Variants in MROH2A observed in about 807,000 individuals in gnomAD.
MROH2A encodes maestro heat-like repeat-containing protein family member 2A.
In MROH2A, 174 loss-of-function variants were observed where a neutral mutation model predicts 200.4. The observed-to-expected ratio is 0.87, with a 90% confidence interval of 0.77 to 0.98. The LOEUF is 0.98. MROH2A is among the 50% of genes least tolerant of loss of function. The probability of loss-of-function intolerance (pLI) is 0.00; values close to 1 mark genes in which losing one functional copy is unlikely to be tolerated. For missense variants in MROH2A, 2,045 were observed against 2,139.6 expected (o/e 0.96, Z 0.87); for synonymous variants, 829 against 840.4 (o/e 0.99, Z 0.23).
Position 233,793,768 on chromosome 2 carries a change from G to A in MROH2A, c.766G>A (p.Val256Met), listed in dbSNP as rs1449003535. 2.7e-6 allele frequency: 4 copies of A among 1,494,596 alleles called. No individual in the cohort carries two copies. Among genetic ancestry groups the A allele is most frequent in the Non-Finnish European group, 3.6e-6 (4 of 1,119,546 alleles). 92.6% of individuals were successfully genotyped at this position (1,494,596 alleles called of 1,614,324 possible). The change falls in exon 7 of 42, where the codon GTG becomes ATG. Residue 256 changes from valine (V) to methionine (M), a missense_variant. Transcript: ENST00000389758. ...VMTEEEFALK[V>M]FPMYRYFVTV... ...GACTGAGGAGGAGTTTGCCCTGAAG[G>A]TGTTCCCCATGTATCGCTACTTCGT...
At chr2:233,794,017 G>A (rs1224376837) in intron 7 of MROH2A, among the ~76,000 whole-genome samples, 193 bp downstream of exon 7, 2 of 152,154 alleles carry the variant, frequency 1.3e-5, no homozygotes, top group Admixed American at 6.5e-5. Flanking sequence ...CCTCATCCAC[G>A]AGGCCAGGCT....
intron 22 of MROH2A, 70 bp from the exon 23 acceptor site, chr2:233,810,724 A>G (rs2126145600): frequency 6.6e-7 from 1 of 1,520,896 alleles, no homozygotes; most frequent in East Asian, 2.5e-5. Flanking sequence ...CAGGAGCAGA[A>G]GCTGCAGCTT....
chr2:233,800,182 A>G, intron 13 of MROH2A, 23 bp from the exon 14 acceptor site: 2 of 1,504,244 alleles, frequency 1.3e-6, no homozygotes, highest in Non-Finnish European at 1.8e-6. Context: ...CACAGGTGGG[A>G]ATCCCTTGGT....
chr2:233,831,599 T>C, intron 39 of MROH2A, 59 bp downstream of exon 39: 1 of 1,517,502 alleles, frequency 6.6e-7, no homozygotes, highest in Non-Finnish European at 8.8e-7. Context: ...GGCTTGGAGC[T>C]GGGGGGTCGA....
chr2:233,813,907 C>T (rs1703342660), intron 25 of MROH2A, 129 bp downstream of exon 25: 2 of 538,320 alleles, frequency 3.7e-6, no homozygotes, highest in Non-Finnish European at 6.7e-6. Flanking sequence ...GTAGCAAGCT[C>T]TATCAGTAAA....
intron 21 of MROH2A, 67 bp from the exon 22 acceptor site, chr2:233,809,059 G>C (rs2126142258): frequency 1.3e-6 from 2 of 1,497,326 alleles, no homozygotes; most frequent in East Asian, 2.5e-5. Flanking sequence ...TGTGGCCAGA[G>C]ACCATCACCT....
chr2:233,782,401 T>C (rs1700992704), intron 3 of MROH2A, among the ~76,000 whole-genome samples: 1 of 152,234 alleles, frequency 6.6e-6, no homozygotes, highest in Non-Finnish European at 1.5e-5. Context: ...TTCCCTTGCA[T>C]AGATCTTTCA....
At chr2:233,829,296 A>G (rs1704552270) in intron 37 of MROH2A, among the ~76,000 whole-genome samples, 1 of 152,048 alleles carries the variant, frequency 6.6e-6, no homozygotes, top group South Asian at 2.1e-4. Flanking sequence ...CAGCCCTGCT[A>G]GGAGGGAAGG....
At chr2:233,812,093 C>T (rs1355788808) in intron 24 of MROH2A, 134 bp downstream of exon 24, 2 of 637,162 alleles carry the variant, frequency 3.1e-6, no homozygotes, top group East Asian at 2.8e-5. Context: ...CTTGGAGGCT[C>T]CCCAGGGCAA....
Position 233,799,907 on chromosome 2 carries a change from G to T in MROH2A, c.1449+8G>T. The T allele has an allele frequency of 6.4e-7, 1 of 1,550,448 alleles. No homozygotes were observed. ...TTATCCACCTACAAACTGGTGAGTG[G>T]CCCTGATACGCAGACCGCAGAGCAG... On this transcript the variant is annotated splice_region_variant and intron_variant, in intron 13 of 41. Transcript: ENST00000389758.
chr2:233,793,874 C>A (rs17868350), intron 7 of MROH2A, 50 bp downstream of exon 7: 2 of 1,341,016 alleles, frequency 1.5e-6, no homozygotes, highest in African/African-American at 1.5e-5. Context: ...GGCCACAGCT[C>A]CCCAGCCTGT....
At chr2:233,802,776 C>T (rs1356340713) in intron 15 of MROH2A, among the ~76,000 whole-genome samples, 1 of 152,236 alleles carries the variant, frequency 6.6e-6, no homozygotes, top group Non-Finnish European at 1.5e-5. Context: ...CATGCTTGCT[C>T]CTGTCCCCTT....
chr2:233,792,783 C>G lies in MROH2A; in HGVS notation c.572-13C>G. The G allele has an allele frequency of 6.7e-7, 1 of 1,502,618 alleles. No individual in the cohort carries two copies. The highest frequency in any genetic ancestry group is 1.2e-5 in the South Asian group (1 of 83,064). 93.1% of individuals were successfully genotyped at this position (1,502,618 alleles called of 1,614,324 possible). On this transcript the variant is annotated splice_polypyrimidine_tract_variant and intron_variant, in intron 5 of 41. Transcript: ENST00000389758. ...GCCCCAACTTCCTGTAATCATCCCT[C>G]ACAACCTCACAGTGTTTGAGTTCAT...
chr2:233,796,786 A>G (rs946402339), intron 11 of MROH2A, among the ~76,000 whole-genome samples: 1 of 152,232 alleles, frequency 6.6e-6, no homozygotes, highest in Non-Finnish European at 1.5e-5. Context: ...TGTTGACAGC[A>G]TGCAGCCCTA....
At position 233,822,107 on chromosome 2, in the gene MROH2A, G is replaced by T; in HGVS notation, c.3513-17G>T. ...ATGCCAGGAAACTCACAGTCCTTGT[G>T]CCCTGACTTTGGTTAGCCACCTGGC... On this transcript the variant is annotated splice_polypyrimidine_tract_variant and intron_variant, in intron 31 of 41. Coordinates refer to ENST00000389758, the MANE Select transcript of MROH2A (RefSeq NM_001394639.1). 1 of 1,545,792 alleles carries T rather than the reference G, an allele frequency of 6.5e-7. No homozygotes were observed. The highest frequency in any genetic ancestry group is 8.7e-7 in the Non-Finnish European group (1 of 1,144,252).
At chr2:233,801,459 T>C (rs940915535) in intron 14 of MROH2A, among the ~76,000 whole-genome samples, 3 of 152,182 alleles carry the variant, frequency 2.0e-5, no homozygotes, top group East Asian at 1.9e-4. Context: ...ACAGAACCAG[T>C]AGAAGACATA....
Position 233,799,904 on chromosome 2 carries a change from G to T in MROH2A, c.1449+5G>T, listed in dbSNP as rs747062571. 6.4e-7 allele frequency: 1 copy of T among 1,550,484 alleles called. No homozygotes were observed. The highest frequency in any genetic ancestry group is 1.2e-5 in the South Asian group (1 of 84,048). Reference sequence around the variant, plus strand: ...ACCTTATCCACCTACAAACTGGTGAGTGGCCCTGATACGCAGACCGCAGAG... The same window carrying T: ...ACCTTATCCACCTACAAACTGGTGATTGGCCCTGATACGCAGACCGCAGAG... On this transcript the variant is annotated splice_donor_5th_base_variant and intron_variant, in intron 13 of 41. Coordinates refer to ENST00000389758, the MANE Select transcript of MROH2A (RefSeq NM_001394639.1).
chr2:233,813,835 C>A, intron 25 of MROH2A, 57 bp downstream of exon 25: 1 of 957,926 alleles, frequency 1.0e-6, no homozygotes. Flanking sequence ...TTAACATTAA[C>A]ATGGGCCATG....
In MROH2A at chr2:233,828,759, G is replaced by A. The variant is rs1273708693; in HGVS notation, c.4243G>A (p.Ala1415Thr). The A allele has an allele frequency of 2.6e-6, 4 of 1,550,078 alleles. No homozygotes were observed. In the African/African-American group the frequency reaches 5.5e-5, roughly 21 times the overall value. ...GTCCCTGCGCGCCCTCGGCAACATG[G>A]CCCTGGGCGCCCCCAAGAAGGTACT... is the stretch of plus-strand genomic sequence containing the variant. Reference protein sequence around the residue: ...VLSLRALGNMALGAPKKVKQY... With the variant: ...VLSLRALGNMTLGAPKKVKQY... Residue 1415 changes from alanine (A) to threonine (T), a missense_variant, in exon 36 of 42, where the codon GCC (alanine) becomes ACC (threonine). Transcript: ENST00000389758. This position sits in a 1 kb window ranked among gnomAD's most constrained non-coding sequence, Gnocchi z 4.6.
Sources: gnomAD v4.1 joint callset for allele counts (sites outside exome capture counted in the v4.1 genomes callset) on GRCh38, gnomAD v4.1.1 for gene constraint, Gnocchi (gnomAD v3.1) non-coding constraint, MANE v1.5 for transcripts, NCBI Gene and HGNC (gene_info 2026-07-23, HGNC 2026-07-21) for gene names.